CEP41: variants seen among roughly 807,000 people sequenced by gnomAD.
The protein encoded by CEP41 is centrosomal protein 41, also known as centrosomal protein of 41 kDa.
In CEP41, 32 loss-of-function variants were observed where a neutral mutation model predicts 44.3. That is an observed-to-expected ratio of 0.72 (90% CI 0.54 to 0.97). The LOEUF (loss-of-function observed/expected upper bound fraction) is 0.97. Among genes scored for constraint, CEP41 ranks in the 50% least tolerant of loss-of-function variants. The pLI, the probability that CEP41 is intolerant of heterozygous loss-of-function variation, is 0.00. For missense variants in CEP41, 432 were observed against 455.2 expected, an observed-to-expected ratio of 0.95 and a Z score of 0.46; for synonymous variants, 151 against 168.5, an observed-to-expected ratio of 0.90 and a Z score of 0.80.
At chr7:130,424,762 G>GA (rs1210633264) in intron 2 of CEP41, among the ~76,000 whole-genome samples, 2 of 150,998 alleles carry the variant, frequency 1.3e-5, no homozygotes, top group South Asian at 4.2e-4. Context: ...AATCATGGTA[G>GA]AAAAAAAAAT....
chr7:130,411,823 G>T (rs1797190335), intron 4 of CEP41, among the ~76,000 whole-genome samples: 1 of 152,132 alleles, frequency 6.6e-6, no homozygotes, highest in Non-Finnish European at 1.5e-5. Context: ...TCCAAGAAAA[G>T]GGGAAATCAC....
chr7:130,425,231 T>A (rs926573257), intron 2 of CEP41, among the ~76,000 whole-genome samples: 4 of 97,600 alleles, frequency 4.1e-5, no homozygotes, highest in African/African-American at 2.0e-4. Flanking sequence ...CTAGCCAACA[T>A]GACAAAACCC....
Position 130,395,459 on chromosome 7 carries a change from G to A in CEP41, c.*3432C>T. 1 of 454,080 alleles carries A rather than the reference G, an allele frequency of 2.2e-6. No homozygotes were observed. Among genetic ancestry groups the A allele is most frequent in the Non-Finnish European group, 4.4e-6 (1 of 226,766 alleles). 28.1% of individuals were successfully genotyped at this position (454,080 alleles called of 1,614,324 possible). ...TGAGAACGTTTTAGAACTGGAGAAAGAAAGGTTCTTACTGATTATCTTCAG... is the reference window on the plus strand; with the variant it reads ...TGAGAACGTTTTAGAACTGGAGAAAAAAAGGTTCTTACTGATTATCTTCAG... On this transcript the variant is annotated 3_prime_UTR_variant, in exon 11 of 11. Coordinates refer to ENST00000223208, the MANE Select transcript of CEP41 (RefSeq NM_018718.3).
At chr7:130,428,593 A>G (rs1554424328) in intron 1 of CEP41, among the ~76,000 whole-genome samples, 1 of 150,958 alleles carries the variant, frequency 6.6e-6, no homozygotes, top group Non-Finnish European at 1.5e-5. Flanking sequence ...ACACTACCTG[A>G]TAAGAAAAAA....
rs782134886 is a variant in CEP41, at chr7:130,397,246, G to A, written c.*1645C>T. 3 of 454,360 alleles carry A rather than the reference G, an allele frequency of 6.6e-6. No individual in the cohort carries two copies. The highest frequency in any genetic ancestry group is 2.4e-5 in the Admixed American group (1 of 42,552). The allele number at this position is 454,360 out of a possible 1,614,324, so 28.1% of individuals were successfully genotyped here. A position where few individuals can be genotyped will look rare whatever the true frequency, so the allele number is the denominator to read the frequency against. ...GGCTCCTCATTAAAGCTATGTGTAC[G>A]TTGGCTGAATTTTATACAAGATTCT... On this transcript the variant is annotated 3_prime_UTR_variant, in exon 11 of 11. Transcript: ENST00000223208.
intron 2 of CEP41, among the ~76,000 whole-genome samples, chr7:130,426,141 G>A (rs1191104789): frequency 2.0e-5 from 3 of 152,138 alleles, no homozygotes; most frequent in Non-Finnish European, 4.4e-5. Context: ...ACCTCTATGG[G>A]AAACTGGGTA....
intron 2 of CEP41, 141 bp downstream of exon 2, chr7:130,427,814 A>G (rs1797708009): frequency 1.6e-6 from 1 of 628,866 alleles, no homozygotes; most frequent in South Asian, 1.9e-5. Flanking sequence ...TCTTTCAAGG[A>G]TAAATCCTGA....
chr7:130,401,915 G>A lies in CEP41; in HGVS notation c.608C>T (p.Thr203Ile). The A allele has an allele frequency of 6.2e-7, 1 of 1,610,418 alleles. No homozygotes were observed. ...AATATCATTTGAATAAGGGTTCATT[G>A]TTCTAGACAGAGTTGCAATTGGGTA... ...YSYPIATLSR[T>I]MNPYSNDILE... is the part of the protein sequence containing the mutation. Residue 203 changes from threonine (T) to isoleucine (I), a missense_variant, in exon 8 of 11, where the codon ACA (threonine) becomes ATA (isoleucine). Physicochemically the swap from Thr to Ile is moderately conservative, Grantham distance 89. Coordinates refer to ENST00000223208, the MANE Select transcript of CEP41 (RefSeq NM_018718.3).
At position 130,398,160 on chromosome 7, in the gene CEP41, G is replaced by A. The variant is rs1334358039; in HGVS notation, c.*731C>T. 2 of 453,466 alleles carry A rather than the reference G, an allele frequency of 4.4e-6. No individual in the cohort carries two copies. Among genetic ancestry groups the A allele is most frequent in the East Asian group, 1.4e-4 (2 of 14,408 alleles). The allele number at this position is 453,466 out of a possible 1,614,324, so 28.1% of individuals were successfully genotyped here. On this transcript the variant is annotated 3_prime_UTR_variant, in exon 11 of 11. Coordinates refer to ENST00000223208, the MANE Select transcript of CEP41 (RefSeq NM_018718.3). ...GGCACAGGCCGGTGTGGTGGCCAGG[G>A]CTTTCCCATGAGAGGCCCTCCTCCC...
chr7:130,404,601 C>A lies in CEP41; in HGVS notation c.385G>T (p.Ala129Ser). 1 of 1,613,746 alleles carries A rather than the reference C, an allele frequency of 6.2e-7. No homozygotes were observed. The highest frequency in any genetic ancestry group is 8.5e-7 in the Non-Finnish European group (1 of 1,179,686). ...SPSPEQFINN[A>S]GAGDSSRSTL... ...GAGCGGCTGGAGTCCCCTGCTCCTG[C>A]GTTGTTTATGAACTGCTCAGGGCTC... Residue 129 changes from alanine (A) to serine (S), a missense_variant, in exon 6 of 11, where the codon GCA becomes TCA. Ala to Ser is a moderately conservative substitution (Grantham distance 99, BLOSUM62 1). Coordinates refer to ENST00000223208, the MANE Select transcript of CEP41 (RefSeq NM_018718.3).
At chr7:130,430,877 T>C (rs1465575652) in intron 1 of CEP41, among the ~76,000 whole-genome samples, 1 of 152,132 alleles carries the variant, frequency 6.6e-6, no homozygotes, top group East Asian at 1.9e-4. Context: ...CCAAGGGGAT[T>C]TGTCCATACC....
chr7:130,425,824 A>G (rs1430254030), intron 2 of CEP41, among the ~76,000 whole-genome samples: 4 of 152,266 alleles, frequency 2.6e-5, no homozygotes, highest in Non-Finnish European at 4.4e-5. Context: ...ATAAAATGGA[A>G]CAAATTACTG....
chr7:130,430,427 C>A (rs190734154), intron 1 of CEP41, among the ~76,000 whole-genome samples: 106 of 152,302 alleles, frequency 7.0e-4, no homozygotes, highest in African/African-American at 2.5e-3. Flanking sequence ...TTTGGAACCA[C>A]TGAGCTATTT....
At chr7:130,423,178 G>A (rs1366083942) in intron 2 of CEP41, among the ~76,000 whole-genome samples, 1 of 152,142 alleles carries the variant, frequency 6.6e-6, no homozygotes, top group Non-Finnish European at 1.5e-5. Context: ...GAACTCCTGA[G>A]CTAAGGCAAT....
chr7:130,440,071 G>T (rs1442016995), intron 1 of CEP41, among the ~76,000 whole-genome samples: 2 of 152,182 alleles, frequency 1.3e-5, no homozygotes, highest in Non-Finnish European at 2.9e-5. Context: ...CCAGGCTGGA[G>T]TGCAATGGCA....
upstream of CEP41, chr7:130,441,085 T>A: frequency 8.3e-7 from 1 of 1,205,096 alleles, no homozygotes; most frequent in Non-Finnish European, 1.2e-6. Flanking sequence ...GATTGGCCCG[T>A]CTTCCCCGGC....
chr7:130,421,091 C>A, intron 2 of CEP41: 1 of 984,086 alleles, frequency 1.0e-6, no homozygotes. Flanking sequence ...CAAAACTTTA[C>A]AATTAGAATC....
upstream of CEP41, chr7:130,441,383 G>T (rs763019300): frequency 2.7e-6 from 1 of 369,890 alleles, no homozygotes. Context: ...CCATCCCCCA[G>T]CTCCGTTTTA....
chr7:130,394,703 T>C lies in CEP41; in HGVS notation c.*4188A>G. ...TCCAGAATGACAGACTAGCACTGAG[T>C]GGCCACCACAGTGGGCATCACATCC... On this transcript the variant is annotated 3_prime_UTR_variant, in exon 11 of 11. Coordinates refer to ENST00000223208, the MANE Select transcript of CEP41 (RefSeq NM_018718.3). The C allele has an allele frequency of 2.2e-6, 1 of 454,078 alleles. No individual in the cohort carries two copies. The highest frequency in any genetic ancestry group is 4.4e-6 in the Non-Finnish European group (1 of 226,776). The allele number at this position is 454,078 out of a possible 1,614,324, so 28.1% of individuals were successfully genotyped here. A position where few individuals can be genotyped will look rare whatever the true frequency, so the allele number is the denominator to read the frequency against.
Sources: gnomAD v4.1 joint callset for allele counts (sites outside exome capture counted in the v4.1 genomes callset) on GRCh38, gnomAD v4.1.1 for gene constraint, MANE v1.5 for transcripts, NCBI Gene and HGNC (gene_info 2026-07-23, HGNC 2026-07-21) for gene names.